RASA4: variants seen among roughly 807,000 people sequenced by gnomAD.
RASA4 encodes the protein ras GTPase-activating protein 4.
In RASA4, 5 loss-of-function variants were observed where a neutral mutation model predicts 24.0. That is an observed-to-expected ratio of 0.21 (90% CI 0.11 to 0.44). The LOEUF (loss-of-function observed/expected upper bound fraction) is 0.44, where lower values mean the gene tolerates loss of function less well. RASA4 is among the 20% of genes least tolerant of loss of function. The pLI, the probability that RASA4 is intolerant of heterozygous loss-of-function variation, is 0.99. For synonymous variants in RASA4, 9 were observed against 132.7 expected, an observed-to-expected ratio of 0.07 and a Z score of 6.41; for missense variants, 38 against 293.0, an observed-to-expected ratio of 0.13 and a Z score of 6.35.
chr7:102,588,952 C>CTTT (rs138710001), intron 17 of RASA4, among the ~76,000 whole-genome samples: 2 of 30,422 alleles, frequency 6.6e-5, no homozygotes, highest in Non-Finnish European at 8.8e-5. Flanking sequence ...TCACAATTTG[C>CTTT]TTTTTTTTTT....
intron 16 of RASA4, among the ~76,000 whole-genome samples, chr7:102,591,817 G>A (rs1490491800): frequency 6.8e-6 from 1 of 147,142 alleles, no homozygotes; most frequent in African/African-American, 2.5e-5. Context: ...GGTAAGGTCG[G>A]ATCAACTTCC....
At chr7:102,603,053 T>C (rs1790433291) in intron 5 of RASA4, among the ~76,000 whole-genome samples, 1 of 144,170 alleles carries the variant, frequency 6.9e-6, no homozygotes, top group Non-Finnish European at 1.5e-5. Flanking sequence ...CTCCGCCTCC[T>C]GGGTTCAAGT....
At chr7:102,613,388 GGGGACCTCCGTGGGCTGTCCCCCAC>G (rs2133493327) in intron 1 of RASA4, among the ~76,000 whole-genome samples, 1 of 60,474 alleles carries the variant, frequency 1.7e-5, no homozygotes, top group South Asian at 6.7e-4. Flanking sequence ...TGAGGCAACA[GGGGACCTCCGTGGGCTGTCCCCCAC>G]TACTGGGCTG....
At chr7:102,596,954 C>CA (rs1790247070) in intron 8 of RASA4, among the ~76,000 whole-genome samples, 1 of 13,674 alleles carries the variant, frequency 7.3e-5, no homozygotes, top group African/African-American at 1.0e-4. Flanking sequence ...GACTCTGTCT[C>CA]AAAAAAAATA....
intron 5 of RASA4, among the ~76,000 whole-genome samples, chr7:102,604,977 CCAGA>C (rs1409018107): frequency 8.3e-6 from 1 of 120,010 alleles, no homozygotes; most frequent in African/African-American, 2.6e-5. Flanking sequence ...AGACCCAGGC[CCAGA>C]CGGGAGTGCA....
At chr7:102,590,827 C>G (rs1268157492) in intron 16 of RASA4, among the ~76,000 whole-genome samples, 1 of 140,966 alleles carries the variant, frequency 7.1e-6, no homozygotes, top group Non-Finnish European at 1.5e-5. Context: ...GTAATCCCAG[C>G]TACTTGGGAG....
At chr7:102,604,512 C>T (rs1790529699) in intron 5 of RASA4, among the ~76,000 whole-genome samples, 1 of 152,298 alleles carries the variant, frequency 6.6e-6, no homozygotes, top group African/African-American at 2.4e-5. Flanking sequence ...GCCCCGAGGT[C>T]CCAGAGCCCG....
chr7:102,592,024 G>C (rs1227570618), intron 16 of RASA4, among the ~76,000 whole-genome samples: 4 of 151,942 alleles, frequency 2.6e-5, no homozygotes, highest in African/African-American at 7.3e-5. Flanking sequence ...TAGTAGAGAC[G>C]GGGTTTCTCC....
In RASA4 at chr7:102,581,412, CA is replaced by C. The variant is rs1789696497; in HGVS notation, c.*1358del. On this transcript the variant is annotated 3_prime_UTR_variant, in exon 21 of 21. Coordinates refer to ENST00000262940, the MANE Select transcript of RASA4 (RefSeq NM_006989.6). ...GTACCACAGGGCCAGAAGAGAGGGACAGGGGCCCTGCTCCTGTCACCTGCTG... is the reference window on the plus strand; with the variant it reads ...GTACCACAGGGCCAGAAGAGAGGGACGGGGCCCTGCTCCTGTCACCTGCTG... 1 of 144,186 alleles carries C rather than the reference CA, an allele frequency of 6.9e-6. No homozygotes were observed. The highest frequency in any genetic ancestry group is 2.5e-5 in the African/African-American group (1 of 40,454). The allele number at this position is 144,186 out of a possible 1,614,324, so 8.9% of individuals were successfully genotyped here. A position where few individuals can be genotyped will look rare whatever the true frequency, so the allele number is the denominator to read the frequency against.
rs370047247 is a variant in RASA4 at position 102,599,854 on chromosome 7, A to T, written c.737+6T>A. On this transcript the variant is annotated splice_donor_region_variant and intron_variant, in intron 8 of 20. Transcript: ENST00000262940. ...TGAGGCCGGCTGCCCAGCTCCATGC[A>T]CTTACTCGTCATGCCGCCGGCTCTT... 0.19 allele frequency: 24,485 copies of T among 129,522 alleles called. 49 individuals carry two copies. The highest frequency in any genetic ancestry group is 0.38 in the East Asian group (2,530 of 6,594). The allele number at this position is 129,522 out of a possible 1,614,324, so 8.0% of individuals were successfully genotyped here.
chr7:102,603,855 A>C (rs1372964519), intron 5 of RASA4, among the ~76,000 whole-genome samples: 2 of 124,794 alleles, frequency 1.6e-5, no homozygotes, highest in South Asian at 2.8e-4. Flanking sequence ...AAAAAAAAAA[A>C]AAAAACCACC....
intron 5 of RASA4, among the ~76,000 whole-genome samples, chr7:102,603,838 CAAAA>C (rs148681177): frequency 0.22 from 10,002 of 45,490 alleles, 212 homozygotes; most frequent in South Asian, 0.26. Context: ...CAGACTGCCT[CAAAA>C]AAAAAAAAAA....
At chr7:102,612,256 C>A (rs1790892069) in intron 1 of RASA4, 1 of 149,374 alleles carries the variant, frequency 6.7e-6, no homozygotes. Context: ...CTCCCACCTG[C>A]TCTGAGCTAC....
intron 18 of RASA4, among the ~76,000 whole-genome samples, chr7:102,585,857 G>GTT (rs1214496763): frequency 1.6e-4 from 21 of 131,020 alleles, no homozygotes; most frequent in South Asian, 1.0e-3. Flanking sequence ...TTGTTTTTTT[G>GTT]TTTTTTTTTT....
chr7:102,598,081 C>T (rs1194587231), intron 8 of RASA4, among the ~76,000 whole-genome samples: 31 of 84,056 alleles, frequency 3.7e-4, no homozygotes, highest in African/African-American at 1.1e-3. Context: ...GAAACCCCAT[C>T]TCTACTAAAA....
chr7:102,580,443 C>T lies in RASA4; in HGVS notation c.*2328G>A, dbSNP rs1177300791. The T allele has an allele frequency of 3.2e-5, 2 of 62,952 alleles. No homozygotes were observed. The highest frequency in any genetic ancestry group is 8.8e-5 in the African/African-American group (2 of 22,680). 3.9% of individuals were successfully genotyped at this position (62,952 alleles called of 1,614,324 possible). On this transcript the variant is annotated 3_prime_UTR_variant, in exon 21 of 21. Coordinates refer to ENST00000262940, the MANE Select transcript of RASA4 (RefSeq NM_006989.6). ...AGGGACTAGGTTTTGCTATGTTGCC[C>T]AGGCTGGCCTTAAACTCCTGGCCTC...
At chr7:102,610,579 G>C (rs1433629360) in intron 2 of RASA4, among the ~76,000 whole-genome samples, 5 of 151,756 alleles carry the variant, frequency 3.3e-5, no homozygotes, top group Non-Finnish European at 7.4e-5. Context: ...ACCCAAGTTA[G>C]AGCCAGGACC....
chr7:102,606,612 G>A (rs1790681421), intron 4 of RASA4, among the ~76,000 whole-genome samples: 1 of 70,392 alleles, frequency 1.4e-5, no homozygotes, highest in African/African-American at 5.0e-5. Context: ...AGGCCCAGAT[G>A]GAGAAGCTAC....
chr7:102,588,952 CTTTT>C lies in RASA4; in HGVS notation c.1969-1186_1969-1183del, dbSNP rs138710001. On this transcript the variant is annotated intron_variant, in intron 17 of 20. Coordinates refer to ENST00000262940, the MANE Select transcript of RASA4 (RefSeq NM_006989.6). ...CCCTTCAAGTCACTATCACAATTTG[CTTTT>C]TTTTTTTTTTTTTTTTTTTTAAGAG... Among the ~76,000 whole-genome samples the C allele has an allele frequency of 4.1e-3, 126 of 30,418 alleles. 3 individuals carry two copies. The highest frequency in any genetic ancestry group is 6.1e-3 in the African/African-American group (71 of 11,650). The allele number at this position is 30,418 out of a possible 152,430, so 20.0% of individuals were successfully genotyped here. A position where few individuals can be genotyped will look rare whatever the true frequency, so the allele number is the denominator to read the frequency against.
Sources: allele counts gnomAD v4.1 joint callset (sites outside exome capture counted in the v4.1 genomes callset), GRCh38; gene constraint gnomAD v4.1.1; transcripts MANE v1.5; gene names NCBI Gene and HGNC (gene_info 2026-07-23, HGNC 2026-07-21).